Variants in SNTG1 observed in about 807,000 individuals in gnomAD.
The protein encoded by SNTG1 is syntrophin gamma 1.
A neutral mutation model predicts 74.7 loss-of-function variants in SNTG1; 39 were observed. That is an observed-to-expected ratio of 0.52 (90% CI 0.40 to 0.68). The LOEUF is 0.68. Among genes scored for constraint, SNTG1 ranks in the 30% least tolerant of loss-of-function variants. The pLI is 0.00. For synonymous variants in SNTG1, 254 were observed against 217.1 expected, an observed-to-expected ratio of 1.17 and a Z score of -1.49; for missense variants, 685 against 609.5, an observed-to-expected ratio of 1.12 and a Z score of -1.30.
chr8:50,782,732 G>A (rs1372299912), intron 18 of SNTG1, among the ~76,000 whole-genome samples: 2 of 152,280 alleles, frequency 1.3e-5, no homozygotes, highest in Middle Eastern at 3.4e-3. Context: ...ATCCAGCTTT[G>A]TTCCGTTGCT....
At chr8:50,634,051 T>A (rs1425936528) in intron 13 of SNTG1, among the ~76,000 whole-genome samples, 1 of 152,200 alleles carries the variant, frequency 6.6e-6, no homozygotes, top group Non-Finnish European at 1.5e-5. Flanking sequence ...TCAGCTAAGC[T>A]GAAGCCTAGC....
intron 4 of SNTG1, among the ~76,000 whole-genome samples, chr8:50,422,559 A>G (rs75462803): frequency 0.058 from 8,853 of 152,112 alleles, 350 homozygotes; most frequent in Middle Eastern, 0.15. Flanking sequence ...AGACAGAATT[A>G]TTGCTCAAAT....
At chr8:50,506,962 A>G (rs923050013) in intron 9 of SNTG1, among the ~76,000 whole-genome samples, 3 of 152,050 alleles carry the variant, frequency 2.0e-5, no homozygotes, top group African/African-American at 7.2e-5. Flanking sequence ...TATATGAATG[A>G]CCTTTATTAT....
intron 3 of SNTG1, among the ~76,000 whole-genome samples, chr8:50,401,717 GA>G: frequency 6.6e-6 from 1 of 152,052 alleles, no homozygotes. Flanking sequence ...GGGGCAGTGG[GA>G]GGGGAAATGG....
intron 18 of SNTG1, among the ~76,000 whole-genome samples, chr8:50,773,708 T>C (rs1461364066): frequency 6.6e-6 from 1 of 152,056 alleles, no homozygotes; most frequent in Non-Finnish European, 1.5e-5. Flanking sequence ...TTATGGGACA[T>C]TGAAAACATT....
At chr8:50,221,327 G>A (rs1321129200) in intron 2 of SNTG1, among the ~76,000 whole-genome samples, 2 of 151,902 alleles carry the variant, frequency 1.3e-5, no homozygotes, top group African/African-American at 4.8e-5. Flanking sequence ...GCAGTAGAGG[G>A]AAAAAATAGT....
At chr8:50,097,041 C>A (rs1410110684) in intron 1 of SNTG1, among the ~76,000 whole-genome samples, 1 of 151,984 alleles carries the variant, frequency 6.6e-6, no homozygotes, top group Non-Finnish European at 1.5e-5. Context: ...GTGATCTCTG[C>A]TTACTGTAAG....
intron 15 of SNTG1, among the ~76,000 whole-genome samples, chr8:50,668,874 C>G (rs958631899): frequency 6.6e-6 from 1 of 151,950 alleles, no homozygotes; most frequent in Non-Finnish European, 1.5e-5. Flanking sequence ...TTTATTCAGT[C>G]TGTCATTGGT....
intron 1 of SNTG1, among the ~76,000 whole-genome samples, chr8:50,164,583 A>G (rs1474134158): frequency 6.6e-6 from 1 of 152,212 alleles, no homozygotes; most frequent in African/African-American, 2.4e-5. Context: ...CTTTTTGTGC[A>G]TACAACATAT....
intron 13 of SNTG1, among the ~76,000 whole-genome samples, chr8:50,651,724 T>G (rs1019253488): frequency 2.0e-5 from 3 of 152,116 alleles, no homozygotes; most frequent in Admixed American, 1.3e-4. Context: ...CCCAAAGTGC[T>G]GAGATTACAG....
At chr8:50,628,146 T>A (rs192988634) in intron 13 of SNTG1, among the ~76,000 whole-genome samples, 53 of 152,316 alleles carry the variant, frequency 3.5e-4, no homozygotes, top group Non-Finnish European at 6.8e-4. Flanking sequence ...TCATATTTTC[T>A]TTCTTCCAGA....
chr8:50,426,072 C>T (rs1258973269), intron 4 of SNTG1, among the ~76,000 whole-genome samples: 2 of 151,988 alleles, frequency 1.3e-5, no homozygotes, highest in Non-Finnish European at 2.9e-5. Flanking sequence ...CCGAGGCTCC[C>T]CTATTAACAT....
At chr8:50,322,145 G>T (rs1183140898) in intron 2 of SNTG1, among the ~76,000 whole-genome samples, 3 of 151,564 alleles carry the variant, frequency 2.0e-5, no homozygotes, top group Non-Finnish European at 4.4e-5. Context: ...TAAGTTTTAG[G>T]GTACATGTGC....
At chr8:50,065,021 G>A (rs1820788891) in intron 1 of SNTG1, among the ~76,000 whole-genome samples, 1 of 152,084 alleles carries the variant, frequency 6.6e-6, no homozygotes, top group Non-Finnish European at 1.5e-5. Flanking sequence ...TGATTCCTCA[G>A]TAAATGTAGA....
chr8:50,301,002 T>G (rs1417901335), intron 2 of SNTG1, among the ~76,000 whole-genome samples: 2 of 152,194 alleles, frequency 1.3e-5, no homozygotes, highest in East Asian at 3.8e-4. Flanking sequence ...ATGTTTCCTT[T>G]GTCTTTTTCA....
chr8:50,701,179 G>T (rs2095422320), intron 15 of SNTG1, among the ~76,000 whole-genome samples: 1 of 152,088 alleles, frequency 6.6e-6, no homozygotes, highest in African/African-American at 2.4e-5. Flanking sequence ...CATAAAATTG[G>T]CAAGGTTTCT....
At chr8:50,306,985 T>C (rs2089926001) in intron 2 of SNTG1, among the ~76,000 whole-genome samples, 1 of 152,092 alleles carries the variant, frequency 6.6e-6, no homozygotes, top group Non-Finnish European at 1.5e-5. Context: ...CAGTATGTGC[T>C]CTTTTGTGTC....
chr8:50,693,241 A>T (rs1018050464), intron 15 of SNTG1, among the ~76,000 whole-genome samples: 1 of 152,092 alleles, frequency 6.6e-6, no homozygotes, highest in African/African-American at 2.4e-5. Context: ...GCTTGTGCAC[A>T]GTGCAGGGCA....
At chr8:50,116,175 CA>C (rs1440887345) in intron 1 of SNTG1, among the ~76,000 whole-genome samples, 2 of 152,182 alleles carry the variant, frequency 1.3e-5, no homozygotes, top group Non-Finnish European at 2.9e-5. Context: ...TGACTTCCAA[CA>C]GTTAAATTGT....
Sources: gnomAD v4.1 joint callset for allele counts (sites outside exome capture counted in the v4.1 genomes callset) on GRCh38, gnomAD v4.1.1 for gene constraint, MANE v1.5 for transcripts, NCBI Gene and HGNC (gene_info 2026-07-23, HGNC 2026-07-21) for gene names.